The following DIS3L2 variants were observed in gnomAD, a reference collection of about 807,000 sequenced individuals.
DIS3L2 encodes DIS3 like 3'-5' exoribonuclease 2.
A neutral mutation model predicts 97.5 loss-of-function variants in DIS3L2; 34 were observed. That is an observed-to-expected ratio of 0.35 (90% CI 0.27 to 0.46). The LOEUF is 0.46. Among genes scored for constraint, DIS3L2 ranks in the 20% least tolerant of loss-of-function variants. The probability of loss-of-function intolerance (pLI) is 1.00; values close to 1 mark genes in which losing one functional copy is unlikely to be tolerated. For synonymous variants in DIS3L2, 435 were observed against 445.2 expected (o/e 0.98, Z 0.29); for missense variants, 1,038 against 1,146.0 (o/e 0.91, Z 1.36).
intron 1 of DIS3L2, among the ~76,000 whole-genome samples, chr2:231,997,440 A>AG (rs1340083325): frequency 6.6e-6 from 1 of 152,248 alleles, no homozygotes; most frequent in Non-Finnish European, 1.5e-5. Context: ...TTGAGCTTGC[A>AG]GCTAATAAAT....
intron 9 of DIS3L2, among the ~76,000 whole-genome samples, chr2:232,182,908 G>A (rs1011281394): frequency 8.5e-5 from 13 of 152,230 alleles, no homozygotes; most frequent in African/African-American, 3.1e-4. Flanking sequence ...TCTTTCTGCT[G>A]TTCATTTTCT....
In DIS3L2 at chr2:232,024,011, C is replaced by T. The variant is rs573389787; in HGVS notation, c.211-266C>T. Among the ~76,000 whole-genome samples the T allele has an allele frequency of 4.6e-5, 7 of 152,240 alleles. No homozygotes were observed. The South Asian group carries it at 1.5e-3, about 32-fold the overall frequency. On this transcript the variant is annotated intron_variant, in intron 3 of 20. Coordinates refer to ENST00000325385, the MANE Select transcript of DIS3L2 (RefSeq NM_152383.5). ...CTAAAATCCTAATAGTTGCCACTTT[C>T]CCACTCTACGCCAAGCTCTGTTGTT...
chr2:232,013,258 C>T (rs1353863365), intron 1 of DIS3L2, among the ~76,000 whole-genome samples: 2 of 152,228 alleles, frequency 1.3e-5, no homozygotes, highest in Non-Finnish European at 2.9e-5. Context: ...CCAGATGACT[C>T]TGAGTCCTGT....
chr2:232,275,252 TTTTC>T (rs1165589743), intron 13 of DIS3L2, among the ~76,000 whole-genome samples: 1 of 152,226 alleles, frequency 6.6e-6, no homozygotes. Context: ...TGTTTTGCGG[TTTTC>T]TTTCTTTACT....
At chr2:232,190,054 C>A (rs958584708) in intron 9 of DIS3L2, among the ~76,000 whole-genome samples, 1 of 152,114 alleles carries the variant, frequency 6.6e-6, no homozygotes, top group East Asian at 1.9e-4. Flanking sequence ...GGGCTGAGCA[C>A]GGTGGCTCAA....
intron 9 of DIS3L2, among the ~76,000 whole-genome samples, chr2:232,166,677 C>T (rs1690832132): frequency 6.6e-6 from 1 of 152,128 alleles, no homozygotes; most frequent in African/African-American, 2.4e-5. Context: ...GATCGCACCA[C>T]TGCAATCCAG....
intron 14 of DIS3L2, among the ~76,000 whole-genome samples, chr2:232,311,920 A>G (rs1192717052): frequency 6.6e-6 from 1 of 152,206 alleles, no homozygotes; most frequent in East Asian, 1.9e-4. Context: ...GCTTTTGAGT[A>G]TATAATAGGA....
At chr2:232,214,372 A>C (rs1272884150) in intron 10 of DIS3L2, among the ~76,000 whole-genome samples, 1 of 152,172 alleles carries the variant, frequency 6.6e-6, no homozygotes, top group African/African-American at 2.4e-5. Flanking sequence ...CCTTCCCTGT[A>C]ATGATCTGAA....
intron 19 of DIS3L2, chr2:232,335,519 C>T: frequency 6.2e-6 from 3 of 480,824 alleles, no homozygotes; most frequent in Non-Finnish European, 7.6e-6. Flanking sequence ...AGCCCTGGAC[C>T]CCCCACCACT....
At chr2:232,341,320 G>A (rs1346479753), downstream of DIS3L2, among the ~76,000 whole-genome samples, 1 of 152,246 alleles carries the variant, frequency 6.6e-6, no homozygotes, top group Admixed American at 6.5e-5. Context: ...ACCCAGGGCA[G>A]CAGTAGAGTG....
intron 9 of DIS3L2, among the ~76,000 whole-genome samples, chr2:232,181,677 C>G (rs930878178): frequency 6.6e-6 from 1 of 151,938 alleles, no homozygotes; most frequent in Non-Finnish European, 1.5e-5. Context: ...CTCACTCTGT[C>G]ACTCATGCTG....
intron 20 of DIS3L2, chr2:232,336,268 C>T (rs1311931345): frequency 1.0e-5 from 16 of 1,544,790 alleles, no homozygotes; most frequent in Admixed American, 3.9e-5. Flanking sequence ...GCCTTGGGAG[C>T]GCTCAGGATG....
At position 232,310,525 on chromosome 2, in the gene DIS3L2, T is replaced by C. The variant is rs139458622; in HGVS notation, c.1739+10406T>C. Among the ~76,000 whole-genome samples, 820 of 152,356 alleles carry C rather than the reference T, an allele frequency of 5.4e-3. 10 individuals carry two copies. Among genetic ancestry groups the C allele is most frequent in the African/African-American group, 0.018 (758 of 41,574 alleles). On this transcript the variant is annotated intron_variant, in intron 14 of 20. Coordinates refer to ENST00000325385, the MANE Select transcript of DIS3L2 (RefSeq NM_152383.5). ...CGTGGCTCTCTATGCTCTGCTCTCT[T>C]CTCACCTCACTCCGTGCAGCAGCAA...
At chr2:232,310,538 C>T (rs891622111) in intron 14 of DIS3L2, among the ~76,000 whole-genome samples, 8 of 152,364 alleles carry the variant, frequency 5.3e-5, no homozygotes, top group Admixed American at 5.2e-4. Context: ...CACCTCACTC[C>T]GTGCAGCAGC....
chr2:232,083,130 G>T (rs1336196705), intron 5 of DIS3L2, among the ~76,000 whole-genome samples: 1 of 151,848 alleles, frequency 6.6e-6, no homozygotes, highest in Non-Finnish European at 1.5e-5. Flanking sequence ...AATTGTGGGA[G>T]CTACAAGTCA....
chr2:232,027,564 G>T (rs1694692932), intron 4 of DIS3L2, among the ~76,000 whole-genome samples: 1 of 152,158 alleles, frequency 6.6e-6, no homozygotes, highest in Non-Finnish European at 1.5e-5. Context: ...ATTTAGGTTT[G>T]CTCTTACTCA....
intron 9 of DIS3L2, among the ~76,000 whole-genome samples, chr2:232,196,459 A>G (rs529822243): frequency 6.6e-6 from 1 of 152,306 alleles, no homozygotes; most frequent in African/African-American, 2.4e-5. Flanking sequence ...CTTCAACAAT[A>G]GTATCTTTCC....
At chr2:232,263,529 T>G in intron 13 of DIS3L2, 89 bp downstream of exon 13, 1 of 1,272,120 alleles carries the variant, frequency 7.9e-7, no homozygotes, top group Non-Finnish European at 1.1e-6. Context: ...GCTTAGACTC[T>G]TCCTTCCTTC....
intron 9 of DIS3L2, among the ~76,000 whole-genome samples, chr2:232,174,317 G>A (rs1691082905): frequency 6.6e-6 from 1 of 151,918 alleles, no homozygotes. Flanking sequence ...CGGGCATGGT[G>A]GCTCATGCCT....
Sources: allele counts gnomAD v4.1 joint callset (sites outside exome capture counted in the v4.1 genomes callset), GRCh38; gene constraint gnomAD v4.1.1; transcripts MANE v1.5; gene names NCBI Gene and HGNC (gene_info 2026-07-23, HGNC 2026-07-21).